Variants in FAM118B observed in about 807,000 individuals in gnomAD.
FAM118B encodes the protein protein FAM118B.
In FAM118B, 24 loss-of-function variants were observed where a neutral mutation model predicts 38.5. That is an observed-to-expected ratio of 0.62 (90% CI 0.45 to 0.88). The LOEUF (loss-of-function observed/expected upper bound fraction) is 0.88, where lower values mean the gene tolerates loss of function less well. FAM118B is among the 40% of genes least tolerant of loss of function. The pLI is 0.00. For synonymous variants in FAM118B, 138 were observed against 156.3 expected, an observed-to-expected ratio of 0.88 and a Z score of 0.87; for missense variants, 334 against 420.0, an observed-to-expected ratio of 0.80 and a Z score of 1.79.
intron 6 of FAM118B, 66 bp downstream of exon 6, chr11:126,254,499 A>C: frequency 6.3e-7 from 1 of 1,587,442 alleles, no homozygotes; most frequent in African/African-American, 1.3e-5. Flanking sequence ...AATATGCCAT[A>C]GATCTTAAAG....
intron 1 of FAM118B, among the ~76,000 whole-genome samples, chr11:126,212,373 A>G (rs1949894547): frequency 6.6e-6 from 1 of 152,174 alleles, no homozygotes; most frequent in Non-Finnish European, 1.5e-5. Flanking sequence ...AGAACGGAGC[A>G]CAGACCTTCA....
chr11:126,253,012 G>GC lies in FAM118B; in HGVS notation c.568-1292dup. Among the ~76,000 whole-genome samples the GC allele has an allele frequency of 6.6e-6, 1 of 152,310 alleles. No homozygotes were observed. The highest frequency in any genetic ancestry group is 3.4e-3 in the Middle Eastern group (1 of 294). On this transcript the variant is annotated intron_variant, in intron 5 of 8. Transcript: ENST00000533050. The surrounding 1 kb of genome is among the most constrained non-coding windows in gnomAD (Gnocchi z 5.1). Reference sequence around the variant, plus strand: ...ATTGCGCCACTGTGCTCCAATCTGGGCAACAGACCAAGACTCTGTCTAAAA... The same window carrying GC: ...ATTGCGCCACTGTGCTCCAATCTGGGCCAACAGACCAAGACTCTGTCTAAAA...
At chr11:126,261,658 G>A (rs1162900451) in intron 8 of FAM118B, among the ~76,000 whole-genome samples, 174 bp downstream of exon 8, 3 of 152,142 alleles carry the variant, frequency 2.0e-5, no homozygotes, top group Admixed American at 6.5e-5. Context: ...TTCCTATCAA[G>A]TCTATTACAA....
intron 7 of FAM118B, chr11:126,260,370 T>C (rs1179397133): frequency 6.7e-6 from 1 of 150,050 alleles, no homozygotes; most frequent in East Asian, 2.0e-4. Flanking sequence ...TGTGCTTTTT[T>C]TCATAGTTGT....
At chr11:126,222,335 T>C (rs1286502128) in intron 1 of FAM118B, among the ~76,000 whole-genome samples, 1 of 152,236 alleles carries the variant, frequency 6.6e-6, no homozygotes, top group Admixed American at 6.5e-5. Context: ...GCTGGATGTT[T>C]AACAGATATT....
chr11:126,254,693 C>G (rs1470634396), intron 6 of FAM118B, among the ~76,000 whole-genome samples: 2 of 152,134 alleles, frequency 1.3e-5, no homozygotes, highest in African/African-American at 4.8e-5. Context: ...AGCTAGGCAT[C>G]ATGGTGCATG....
intron 1 of FAM118B, among the ~76,000 whole-genome samples, chr11:126,223,602 CTT>C (rs1950098153): frequency 6.9e-6 from 1 of 144,174 alleles, no homozygotes; most frequent in Non-Finnish European, 1.5e-5. Flanking sequence ...AAAAAAAAAT[CTT>C]TTGCTGCTAC....
At chr11:126,231,810 G>T (rs528962363) in intron 2 of FAM118B, among the ~76,000 whole-genome samples, 45 of 152,280 alleles carry the variant, frequency 3.0e-4, no homozygotes, top group African/African-American at 1.1e-3. Context: ...GTAATTTCCA[G>T]GACAAAATGG....
At chr11:126,225,418 T>C (rs1950128207) in intron 1 of FAM118B, among the ~76,000 whole-genome samples, 1 of 152,202 alleles carries the variant, frequency 6.6e-6, no homozygotes, top group Non-Finnish European at 1.5e-5. Flanking sequence ...ATTCTGTGGG[T>C]GTAGAGCATC....
chr11:126,217,653 C>T (rs1467257737), intron 1 of FAM118B, among the ~76,000 whole-genome samples: 1 of 152,246 alleles, frequency 6.6e-6, no homozygotes, highest in Middle Eastern at 3.2e-3. Flanking sequence ...CTGTTGCTCT[C>T]AAGAACTGCT....
At chr11:126,245,506 C>T (rs887816826) in intron 4 of FAM118B, among the ~76,000 whole-genome samples, 9 of 151,964 alleles carry the variant, frequency 5.9e-5, no homozygotes, top group South Asian at 2.1e-4. Context: ...GACTTTGAAA[C>T]GGAAGTGCTG....
rs563588841 is a variant in FAM118B at position 126,244,399 on chromosome 11, A to T, written c.339+3355A>T. Among the ~76,000 whole-genome samples the T allele has an allele frequency of 2.1e-4, 32 of 152,376 alleles. No individual in the cohort carries two copies. Among genetic ancestry groups the T allele is most frequent in the African/African-American group, 7.2e-4 (30 of 41,592 alleles). On this transcript the variant is annotated intron_variant, in intron 4 of 8. Transcript: ENST00000533050. This position sits in a 1 kb window ranked among gnomAD's most constrained non-coding sequence, Gnocchi z 4.5. Reference sequence around the variant, plus strand: ...AGGTTGGAGAATCCGGGATCAATATATAAAAATAGTATTTTTATACACTTG... The same window carrying T: ...AGGTTGGAGAATCCGGGATCAATATTTAAAAATAGTATTTTTATACACTTG...
In FAM118B at chr11:126,252,380, C is replaced by T. The variant is rs1052309973; in HGVS notation, c.567+1647C>T. Among the ~76,000 whole-genome samples, 1 of 152,180 alleles carries T rather than the reference C, an allele frequency of 6.6e-6. No homozygotes were observed. Among genetic ancestry groups the T allele is most frequent in the African/African-American group, 2.4e-5 (1 of 41,442 alleles). On this transcript the variant is annotated intron_variant, in intron 5 of 8. Transcript: ENST00000533050. This position sits in a 1 kb window ranked among gnomAD's most constrained non-coding sequence, Gnocchi z 4.7. ...ATAGGTATCATGTTAGTCTTTCTTA[C>T]CCTCATAACTCAAATACAACCCTCA...
intron 7 of FAM118B, chr11:126,260,414 T>G (rs1417547417): frequency 6.6e-6 from 1 of 151,214 alleles, no homozygotes; most frequent in Non-Finnish European, 1.5e-5. Context: ...TTTTTTTTGG[T>G]CCTTTGAAAA....
chr11:126,239,920 T>C (rs922146723), intron 3 of FAM118B, among the ~76,000 whole-genome samples: 20 of 152,254 alleles, frequency 1.3e-4, no homozygotes, highest in Non-Finnish European at 4.4e-5. Context: ...TTGAAAGTGC[T>C]ATTCCTTTCT....
chr11:126,229,645 C>T (rs1367810368), intron 2 of FAM118B, among the ~76,000 whole-genome samples: 1 of 152,070 alleles, frequency 6.6e-6, no homozygotes, highest in Non-Finnish European at 1.5e-5. Context: ...GTTTCACCAT[C>T]TTGGCCAGGC....
intron 1 of FAM118B, among the ~76,000 whole-genome samples, chr11:126,221,550 G>A (rs1311956217): frequency 6.6e-6 from 1 of 152,036 alleles, no homozygotes; most frequent in African/African-American, 2.4e-5. Context: ...TTTCAATATT[G>A]AAGGGCTGCC....
chr11:126,233,707 G>A (rs530523331), intron 2 of FAM118B: 3 of 456,510 alleles, frequency 6.6e-6, no homozygotes, highest in African/African-American at 6.0e-5. Context: ...TACACTGCGT[G>A]TGATGGACTA....
intron 2 of FAM118B, among the ~76,000 whole-genome samples, chr11:126,231,960 A>T (rs1339120621): frequency 1.3e-5 from 2 of 152,256 alleles, no homozygotes; most frequent in African/African-American, 4.8e-5. Flanking sequence ...CCTAGTTAAC[A>T]AGCAGCTGTT....
Sources: gnomAD v4.1 joint callset for allele counts (sites outside exome capture counted in the v4.1 genomes callset) on GRCh38, gnomAD v4.1.1 for gene constraint, Gnocchi (gnomAD v3.1) non-coding constraint, MANE v1.5 for transcripts, NCBI Gene and HGNC (gene_info 2026-07-23, HGNC 2026-07-21) for gene names.